SLC4A4: variants seen among roughly 807,000 people sequenced by gnomAD.
SLC4A4 encodes the protein electrogenic sodium bicarbonate cotransporter 1.
Under a neutral mutation model 111.5 loss-of-function variants are expected in SLC4A4, and 27 were observed. The observed-to-expected ratio is 0.24, with a 90% CI of 0.18 to 0.33. SLC4A4 has a LOEUF of 0.33. Ranked by LOEUF, SLC4A4 falls within the 10% of genes least tolerant of loss-of-function variation. The pLI is 1.00. For missense variants in SLC4A4, 909 were observed against 1,315.5 expected, an observed-to-expected ratio of 0.69 and a Z score of 4.78; for synonymous variants, 443 against 463.4, an observed-to-expected ratio of 0.96 and a Z score of 0.57.
intron 3 of SLC4A4, among the ~76,000 whole-genome samples, chr4:71,297,100 A>G (rs1027118432): frequency 2.6e-5 from 4 of 152,222 alleles, no homozygotes; most frequent in African/African-American, 9.6e-5. Flanking sequence ...CCCAGTGGCA[A>G]GAGACATTCT....
chr4:71,270,418 A>T (rs567443521), intron 3 of SLC4A4, among the ~76,000 whole-genome samples: 6 of 152,148 alleles, frequency 3.9e-5, no homozygotes, highest in Non-Finnish European at 7.3e-5. Flanking sequence ...TCCAGCTTCT[A>T]CCTTGTTATT....
chr4:71,357,968 T>C (rs1730433508), intron 6 of SLC4A4, among the ~76,000 whole-genome samples: 1 of 152,126 alleles, frequency 6.6e-6, no homozygotes, highest in Non-Finnish European at 1.5e-5. Flanking sequence ...TACTAAGCAT[T>C]GGCTGATAGG....
intron 17 of SLC4A4, among the ~76,000 whole-genome samples, chr4:71,533,691 T>C (rs1181110812): frequency 6.6e-6 from 1 of 152,034 alleles, no homozygotes; most frequent in Non-Finnish European, 1.5e-5. Flanking sequence ...AGTTCACTTA[T>C]ATAAAAACAG....
intron 3 of SLC4A4, among the ~76,000 whole-genome samples, chr4:71,294,988 C>T (rs534945492): frequency 1.3e-5 from 2 of 152,242 alleles, no homozygotes; most frequent in East Asian, 3.9e-4. Context: ...CTAGTATTTA[C>T]TGTGCTATAA....
At chr4:71,376,594 TA>T (rs1173227113) in intron 6 of SLC4A4, among the ~76,000 whole-genome samples, 1 of 148,206 alleles carries the variant, frequency 6.7e-6, no homozygotes, top group Non-Finnish European at 1.5e-5. Flanking sequence ...ATATTTAAAA[TA>T]TATATATGTT....
chr4:71,097,951 T>C (rs955421729), intron 2 of SLC4A4, among the ~76,000 whole-genome samples: 1 of 152,226 alleles, frequency 6.6e-6, no homozygotes, highest in Non-Finnish European at 1.5e-5. Flanking sequence ...TGCAAATATT[T>C]TCTCCCACTC....
chr4:71,419,454 G>T (rs1722154137), intron 7 of SLC4A4, among the ~76,000 whole-genome samples: 1 of 152,228 alleles, frequency 6.6e-6, no homozygotes, highest in African/African-American at 2.4e-5. Flanking sequence ...TCAGACTGCT[G>T]TGCTAGCAAT....
intron 7 of SLC4A4, among the ~76,000 whole-genome samples, chr4:71,430,635 A>G (rs1718870104): frequency 6.6e-6 from 1 of 152,144 alleles, no homozygotes; most frequent in African/African-American, 2.4e-5. Context: ...AGTTCACAGA[A>G]CAGACAAGCT....
chr4:71,261,563 T>A (rs766244058), intron 3 of SLC4A4, among the ~76,000 whole-genome samples: 6 of 152,204 alleles, frequency 3.9e-5, no homozygotes, highest in Non-Finnish European at 7.3e-5. Flanking sequence ...AAATAATTGT[T>A]GTTTATTCCT....
intron 14 of SLC4A4, among the ~76,000 whole-genome samples, chr4:71,477,296 T>C (rs980809730): frequency 1.3e-5 from 2 of 151,710 alleles, no homozygotes; most frequent in Non-Finnish European, 2.9e-5. Context: ...GAGTAAAAAT[T>C]TGTTCTTTTT....
intron 6 of SLC4A4, among the ~76,000 whole-genome samples, chr4:71,396,785 T>C (rs1319308717): frequency 1.3e-5 from 2 of 152,186 alleles, no homozygotes; most frequent in African/African-American, 4.8e-5. Context: ...GTGTCTGAAA[T>C]CATTGGATGG....
intron 3 of SLC4A4, among the ~76,000 whole-genome samples, chr4:71,315,931 A>C (rs897504901): frequency 1.5e-4 from 23 of 151,928 alleles, no homozygotes; most frequent in African/African-American, 5.3e-4. Flanking sequence ...ACAGTGGTAC[A>C]ATCTTTAGCT....
At chr4:71,085,666 C>T (rs181031862) in intron 1 of SLC4A4, among the ~76,000 whole-genome samples, 1,832 of 152,078 alleles carry the variant, frequency 0.012, 49 homozygotes, top group African/African-American at 0.042. Context: ...ATAGGGAATC[C>T]TTTCCCCATT....
chr4:71,322,859 C>T (rs1294007673), intron 3 of SLC4A4, among the ~76,000 whole-genome samples: 1 of 151,946 alleles, frequency 6.6e-6, no homozygotes, highest in Non-Finnish European at 1.5e-5. Context: ...TCCTTTCTTT[C>T]CATGCAACTT....
At chr4:71,177,047 T>C (rs1032305663) in intron 2 of SLC4A4, among the ~76,000 whole-genome samples, 1 of 152,174 alleles carries the variant, frequency 6.6e-6, no homozygotes, top group Non-Finnish European at 1.5e-5. Context: ...GAAAAGAATT[T>C]TCAACACAGA....
chr4:71,151,322 G>C (rs759934223), intron 2 of SLC4A4, among the ~76,000 whole-genome samples: 2 of 152,010 alleles, frequency 1.3e-5, no homozygotes, highest in Non-Finnish European at 2.9e-5. Context: ...CTATATCAAC[G>C]GTAGGTTTTG....
chr4:71,419,601 T>C (rs966362226), intron 7 of SLC4A4, among the ~76,000 whole-genome samples: 5 of 152,208 alleles, frequency 3.3e-5, no homozygotes, highest in African/African-American at 1.2e-4. Flanking sequence ...TGTCTGTCAC[T>C]CCTTTCTTTG....
intron 1 of SLC4A4, among the ~76,000 whole-genome samples, chr4:71,228,098 A>G (rs1485565309): frequency 6.6e-6 from 1 of 152,162 alleles, no homozygotes; most frequent in African/African-American, 2.4e-5. Flanking sequence ...TCAGCACTTC[A>G]TACCCTCCCC....
chr4:71,525,638 T>C lies in SLC4A4; in HGVS notation c.2167-6424T>C, dbSNP rs139029728. On this transcript the variant is annotated intron_variant, in intron 16 of 25. Transcript: ENST00000264485. Reference sequence around the variant, plus strand: ...GGATGGACAACCACAATTTATGATGTTTGTTCAAGCTAGATTTGAGGGCTC... The same window carrying C: ...GGATGGACAACCACAATTTATGATGCTTGTTCAAGCTAGATTTGAGGGCTC... 3.8e-3 allele frequency among the ~76,000 whole-genome samples: 584 copies of C among 152,210 alleles called. 6 individuals carry two copies. Among genetic ancestry groups the C allele is most frequent in the African/African-American group, 0.013 (540 of 41,550 alleles).
Sources: allele counts gnomAD v4.1 joint callset (sites outside exome capture counted in the v4.1 genomes callset), GRCh38; gene constraint gnomAD v4.1.1; transcripts MANE v1.5; gene names NCBI Gene and HGNC (gene_info 2026-07-23, HGNC 2026-07-21).